ALPK2: variants seen among roughly 807,000 people sequenced by gnomAD.
The protein encoded by ALPK2 is alpha-protein kinase 2.
A neutral mutation model predicts 163.1 loss-of-function variants in ALPK2; 127 were observed. The observed-to-expected ratio is 0.78, with a 90% CI of 0.67 to 0.90. The LOEUF is 0.90. ALPK2 is among the 40% of genes least tolerant of loss of function. The probability of loss-of-function intolerance (pLI) is 0.00; values close to 1 mark genes in which losing one functional copy is unlikely to be tolerated. For synonymous variants in ALPK2, 953 were observed against 959.1 expected, an observed-to-expected ratio of 0.99 and a Z score of 0.12; for missense variants, 2,360 against 2,589.6, an observed-to-expected ratio of 0.91 and a Z score of 1.92.
chr18:58,561,375 C>CT (rs1318670968), intron 4 of ALPK2, among the ~76,000 whole-genome samples: 1 of 152,154 alleles, frequency 6.6e-6, no homozygotes, highest in Admixed American at 6.5e-5. Flanking sequence ...GGCCAGAATC[C>CT]TTTAAGGTCA....
intron 3 of ALPK2, among the ~76,000 whole-genome samples, chr18:58,606,680 C>G (rs1354149587): frequency 6.6e-6 from 1 of 152,164 alleles, no homozygotes; most frequent in African/African-American, 2.4e-5. Flanking sequence ...TCAGGCTCCT[C>G]AGAGCCCCAT....
chr18:58,614,921 ACACAC>A (rs1053900877), intron 1 of ALPK2, among the ~76,000 whole-genome samples: 3 of 150,048 alleles, frequency 2.0e-5, no homozygotes, highest in African/African-American at 7.4e-5. Context: ...CCCCCCCAAC[ACACAC>A]AGCCAGAGGC....
At chr18:58,623,183 C>T (rs1434036028) in intron 1 of ALPK2, among the ~76,000 whole-genome samples, 1 of 152,056 alleles carries the variant, frequency 6.6e-6, no homozygotes, top group Admixed American at 6.6e-5. Flanking sequence ...CCCAGCCAGT[C>T]AGAGTGTCTT....
At chr18:58,550,053 C>T (rs1380138041) in intron 4 of ALPK2, among the ~76,000 whole-genome samples, 3 of 152,100 alleles carry the variant, frequency 2.0e-5, no homozygotes, top group East Asian at 1.9e-4. Context: ...CACCCTCACA[C>T]CTGTTTGCTT....
At chr18:58,546,950 T>C (rs2051720601) in intron 4 of ALPK2, among the ~76,000 whole-genome samples, 1 of 144,068 alleles carries the variant, frequency 6.9e-6, no homozygotes, top group African/African-American at 2.6e-5. Context: ...GTCTTTTTGC[T>C]TTTTTATTTG....
intron 3 of ALPK2, among the ~76,000 whole-genome samples, chr18:58,605,505 A>G (rs191827121): frequency 3.3e-4 from 51 of 152,294 alleles, no homozygotes; most frequent in African/African-American, 1.2e-3. Flanking sequence ...TGTGAATCAG[A>G]GAGGGCTACT....
chr18:58,603,664 C>G (rs1415741490), intron 3 of ALPK2, among the ~76,000 whole-genome samples: 1 of 152,210 alleles, frequency 6.6e-6, no homozygotes, highest in Non-Finnish European at 1.5e-5. Flanking sequence ...AGATTTTTAT[C>G]TGTTGCTTTG....
In ALPK2 at chr18:58,556,495, A is replaced by G. The variant is rs546532829; in HGVS notation, c.1963-18271T>C. ...ATAATGAAATGAGCCAGCCGCTGCAAAGTGCTTAGCCCAGGCACCGTGCAT... is the reference window on the plus strand; with the variant it reads ...ATAATGAAATGAGCCAGCCGCTGCAGAGTGCTTAGCCCAGGCACCGTGCAT... On this transcript the variant is annotated intron_variant, in intron 4 of 12. Transcript: ENST00000361673. 2.6e-5 allele frequency among the ~76,000 whole-genome samples: 4 copies of G among 152,264 alleles called. No homozygotes were observed. The East Asian group carries it at 7.7e-4, about 29-fold the overall frequency.
rs2051946065 is a variant in ALPK2, at chr18:58,579,755, T to C, written c.1021A>G (p.Asn341Asp). 6.2e-7 allele frequency: 1 copy of C among 1,614,224 alleles called. No individual in the cohort carries two copies. Among genetic ancestry groups the C allele is most frequent in the Middle Eastern group, 1.6e-4 (1 of 6,062 alleles). Residue 341 changes from asparagine to aspartate, a missense_variant, in exon 4 of 13, where the codon AAT (asparagine) becomes GAT (aspartate). Coordinates refer to ENST00000361673, the MANE Select transcript of ALPK2 (RefSeq NM_052947.4). The stretch of plus-strand genomic sequence containing the variant: ...AGCAGGTTCCTTTGCCAAACTGCAT[T>C]AGAGTAATCCGTCATAACATCAGAA... The part of the protein sequence containing the change: ...ECSDVMTDYS[N>D]AVWQRNLLGT...
intron 3 of ALPK2, among the ~76,000 whole-genome samples, chr18:58,597,381 G>C (rs1289821318): frequency 6.6e-6 from 1 of 152,172 alleles, no homozygotes; most frequent in Non-Finnish European, 1.5e-5. Flanking sequence ...AGCATTTGTT[G>C]AGTACCAGCA....
At chr18:58,562,070 A>C (rs1183885267) in intron 4 of ALPK2, among the ~76,000 whole-genome samples, 1 of 152,042 alleles carries the variant, frequency 6.6e-6, no homozygotes, top group East Asian at 1.9e-4. Context: ...TTTCTTATGG[A>C]GCTTGAGTTC....
chr18:58,579,560 G>A lies in ALPK2; in HGVS notation c.1216C>T (p.Gln406Ter), dbSNP rs2051944104. The A allele has an allele frequency of 5.0e-6, 8 of 1,613,328 alleles. No individual in the cohort carries two copies. The highest frequency in any genetic ancestry group is 1.3e-5 in the African/African-American group (1 of 74,864). ...ATAGFCGHHS[Q>*]PQEVGVRSSR... ...CTCCTCACCCCAACTTCTTGGGGTT[G>A]TGAGTGATGACCACAGAAGCCAGCA... The change falls in exon 4 of 13, where the codon CAA becomes TAA. Residue 406 changes from glutamine to a stop codon, truncating the protein, a stop_gained. Coordinates refer to ENST00000361673, the MANE Select transcript of ALPK2 (RefSeq NM_052947.4). LOFTEE classifies it high-confidence loss of function.
At chr18:58,627,629 A>G (rs968380959) in intron 1 of ALPK2, among the ~76,000 whole-genome samples, 1 of 152,212 alleles carries the variant, frequency 6.6e-6, no homozygotes, top group Non-Finnish European at 1.5e-5. Flanking sequence ...CTATCTAAAA[A>G]CAAAAAACAA....
intron 12 of ALPK2, among the ~76,000 whole-genome samples, chr18:58,487,805 G>A (rs1344644985): frequency 1.3e-5 from 2 of 152,098 alleles, no homozygotes; most frequent in Admixed American, 6.5e-5. Flanking sequence ...GAGGTTAGCT[G>A]GAGCCCAGGA....
Position 58,535,581 on chromosome 18 carries a change from A to G in ALPK2, c.4606T>C (p.Ser1536Pro), listed in dbSNP as rs746999078. 1 of 1,614,102 alleles carries G rather than the reference A, an allele frequency of 6.2e-7. No homozygotes were observed. Among genetic ancestry groups the G allele is most frequent in the Non-Finnish European group, 8.5e-7 (1 of 1,180,006 alleles). The change falls in exon 5 of 13, where the codon TCC becomes CCC. Residue 1536 changes from serine (S) to proline (P), a missense_variant. Physicochemically the swap from Ser to Pro is moderately conservative, Grantham distance 74. Transcript: ENST00000361673. ...CAACTAGAAAGAGGTGAAGTGGGGG[A>G]AATCAATTCTGCTTTGTCCTTTTTG... ...QSKKDKAELI[S>P]PTSPLSSCLP...
intron 10 of ALPK2, among the ~76,000 whole-genome samples, chr18:58,508,983 A>G (rs948117120): frequency 3.3e-5 from 5 of 150,218 alleles, no homozygotes; most frequent in Non-Finnish European, 7.4e-5. Flanking sequence ...TGCTGCACCC[A>G]TTAACTCATC....
Position 58,628,906 on chromosome 18 carries a change from T to C in ALPK2, c.-163A>G, listed in dbSNP as rs9960620. 99,951 of 152,104 alleles carry C rather than the reference T, an allele frequency of 0.66. 34,582 individuals are homozygous for C. Among genetic ancestry groups the C allele is most frequent in the African/African-American group, 0.88 (36,720 of 41,516 alleles). The allele number at this position is 152,104 out of a possible 1,614,324, so 9.4% of individuals were successfully genotyped here. ...AGTTTATAGGGCTCAGGGTCTTCCA[T>C]GATCAGGTCAAAGCATAGATGGGTC... On this transcript the variant is annotated 5_prime_UTR_variant, in exon 1 of 13. The change abolishes an upstream ATG in the 5' untranslated region. Coordinates refer to ENST00000361673, the MANE Select transcript of ALPK2 (RefSeq NM_052947.4).
intron 3 of ALPK2, among the ~76,000 whole-genome samples, chr18:58,604,310 CAGCT>C (rs2052086908): frequency 6.6e-6 from 1 of 152,200 alleles, no homozygotes; most frequent in South Asian, 2.1e-4. Context: ...TTATAACTAA[CAGCT>C]AACTTTTAAT....
intron 1 of ALPK2, among the ~76,000 whole-genome samples, chr18:58,627,655 CA>C (rs993019695): frequency 1.3e-5 from 2 of 151,852 alleles, no homozygotes; most frequent in East Asian, 1.9e-4. Context: ...CAAAACAAAA[CA>C]AAAAAAGGAC....
Sources: gnomAD v4.1 joint callset for allele counts (sites outside exome capture counted in the v4.1 genomes callset) on GRCh38, gnomAD v4.1.1 for gene constraint, MANE v1.5 for transcripts, NCBI Gene and HGNC (gene_info 2026-07-23, HGNC 2026-07-21) for gene names.